The following CHTOP variants were observed in gnomAD, a reference collection of about 807,000 sequenced individuals.
CHTOP encodes chromatin target of PRMT1 protein.
In CHTOP, 18 loss-of-function variants were observed where a neutral mutation model predicts 33.6. That is an observed-to-expected ratio of 0.54 (90% CI 0.37 to 0.80). The LOEUF is 0.80. CHTOP is among the 30% of genes least tolerant of loss of function. The probability of loss-of-function intolerance (pLI) is 0.00; values close to 1 mark genes in which losing one functional copy is unlikely to be tolerated. For missense variants in CHTOP, 263 were observed against 336.8 expected (o/e 0.78, Z 1.71); for synonymous variants, 117 against 127.7 (o/e 0.92, Z 0.56).
intron 2 of CHTOP, chr1:153,637,263 G>C (rs1668440526): frequency 1.3e-5 from 2 of 152,166 alleles, no homozygotes; most frequent in African/African-American, 4.8e-5. Context: ...ACTTTGAAAA[G>C]TAACTACTTG....
At chr1:153,643,173 T>C in intron 4 of CHTOP, 54 bp from the exon 5 acceptor site, 1 of 1,608,996 alleles carries the variant, frequency 6.2e-7, no homozygotes. Flanking sequence ...GGTTAGAATC[T>C]ACTTTGTGTC....
At chr1:153,644,868 T>A (rs982213941) in intron 5 of CHTOP, among the ~76,000 whole-genome samples, 196 bp from the exon 6 acceptor site, 1 of 152,240 alleles carries the variant, frequency 6.6e-6, no homozygotes, top group African/African-American at 2.4e-5. Flanking sequence ...GATCATGTGA[T>A]AGAGGATTCA....
rs1668796198 is a variant in CHTOP, at chr1:153,645,628, TTTC to T, written c.*362_*364del. On this transcript the variant is annotated 3_prime_UTR_variant, in exon 6 of 6. Transcript: ENST00000368694. ...TGTCATATGCTCTGACATGCTAACATTTCTTTTGTTCATCCCTGTTGCCCCCAC... is the reference window on the plus strand; with the variant it reads ...TGTCATATGCTCTGACATGCTAACATTTTTGTTCATCCCTGTTGCCCCCAC... 3 of 231,258 alleles carry T rather than the reference TTTC, an allele frequency of 1.3e-5. No homozygotes were observed. The Admixed American group carries it at 1.6e-4, about 12-fold the overall frequency. The allele number at this position is 231,258 out of a possible 1,614,324, so 14.3% of individuals were successfully genotyped here. A position where few individuals can be genotyped will look rare whatever the true frequency, so the allele number is the denominator to read the frequency against.
chr1:153,634,862 T>C (rs1668284952), intron 1 of CHTOP, among the ~76,000 whole-genome samples: 1 of 106,774 alleles, frequency 9.4e-6, no homozygotes, highest in African/African-American at 3.8e-5. Flanking sequence ...ATATATTTTT[T>C]TTTGGGGGGG....
At chr1:153,635,327 A>AT (rs1668324774) in intron 1 of CHTOP, among the ~76,000 whole-genome samples, 1 of 149,020 alleles carries the variant, frequency 6.7e-6, no homozygotes, top group South Asian at 2.1e-4. Flanking sequence ...ATTAATTTAT[A>AT]TTTTTATAGA....
At chr1:153,644,033 A>C (rs1668716679) in intron 5 of CHTOP, 1 of 152,154 alleles carries the variant, frequency 6.6e-6, no homozygotes, top group Admixed American at 6.5e-5. Context: ...GTTAATACTA[A>C]ATCTCATGGG....
At chr1:153,641,752 A>G (rs574439331) in intron 3 of CHTOP, among the ~76,000 whole-genome samples, 79 of 152,340 alleles carry the variant, frequency 5.2e-4, no homozygotes, top group Middle Eastern at 3.4e-3. Context: ...CTTAAGTCAC[A>G]AGAACTCAAG....
intron 1 of CHTOP, among the ~76,000 whole-genome samples, chr1:153,636,088 A>ATTT (rs71093280): frequency 7.2e-6 from 1 of 138,696 alleles, no homozygotes. Context: ...TGCACCGCTA[A>ATTT]TTTTTTTTTT....
At chr1:153,642,475 C>G (rs766083732) in intron 4 of CHTOP, 46 bp downstream of exon 4, 48 of 1,496,208 alleles carry the variant, frequency 3.2e-5, no homozygotes, top group Non-Finnish European at 4.2e-5. Context: ...ACTCCCTTCC[C>G]TTTTCTCTTG....
intron 1 of CHTOP, among the ~76,000 whole-genome samples, chr1:153,636,042 C>A (rs1043521381): frequency 6.6e-6 from 1 of 151,816 alleles, no homozygotes; most frequent in Non-Finnish European, 1.5e-5. Flanking sequence ...CACCTCAGCT[C>A]CCCTGAGTAG....
intron 5 of CHTOP, chr1:153,644,469 ATAGC>A (rs1410205950): frequency 6.6e-6 from 1 of 152,342 alleles, no homozygotes; most frequent in Admixed American, 6.5e-5. Context: ...AAAGGTAGAA[ATAGC>A]TAGGACAACT....
intron 1 of CHTOP, among the ~76,000 whole-genome samples, chr1:153,635,857 G>A (rs933834558): frequency 4.0e-5 from 6 of 151,658 alleles, no homozygotes; most frequent in Non-Finnish European, 8.8e-5. Context: ...TACTTTGATT[G>A]CTAGATTGGC....
chr1:153,643,020 C>T, intron 4 of CHTOP: 1 of 603,770 alleles, frequency 1.7e-6, no homozygotes, highest in Admixed American at 2.9e-5. Context: ...AATTAACTCC[C>T]AACTTCCAAA....
At chr1:153,643,568 A>G (rs553605373) in intron 5 of CHTOP, 1 of 484,396 alleles carries the variant, frequency 2.1e-6, no homozygotes, top group Admixed American at 3.9e-5. Context: ...TCAAGTGCAT[A>G]TTATAGAGCC....
intron 3 of CHTOP, chr1:153,639,264 C>G (rs983507004): frequency 5.9e-6 from 1 of 170,404 alleles, no homozygotes; most frequent in African/African-American, 2.4e-5. Context: ...TAAAGTGGAG[C>G]AAGAATACTG....
chr1:153,637,008 G>A (rs535856196), intron 2 of CHTOP: 25 of 193,198 alleles, frequency 1.3e-4, no homozygotes, highest in South Asian at 1.2e-3. Context: ...GGCCAGCAGT[G>A]TTGTGTCTGG....
intron 4 of CHTOP, 22 bp downstream of exon 4, chr1:153,642,451 A>C: frequency 6.4e-7 from 1 of 1,571,532 alleles, no homozygotes; most frequent in South Asian, 1.2e-5. Context: ...GTACCCTGAT[A>C]ATTGTCGGGC....
rs182244942 is a variant in CHTOP, at chr1:153,635,111, A to C, written c.-18+768A>C. Among the ~76,000 whole-genome samples, 302 of 152,176 alleles carry C rather than the reference A, an allele frequency of 2.0e-3. 1 individual carries two copies. The highest frequency in any genetic ancestry group is 7.1e-3 in the African/African-American group (296 of 41,550). ...GTGATCCGCCCGCCTCGGCCTCCCAAAGTGCTGGGAAAACAGGCGTGAGCC... is the reference window on the plus strand; with the variant it reads ...GTGATCCGCCCGCCTCGGCCTCCCACAGTGCTGGGAAAACAGGCGTGAGCC... On this transcript the variant is annotated intron_variant, in intron 1 of 5. Coordinates refer to ENST00000368694, the MANE Select transcript of CHTOP (RefSeq NM_015607.4).
At chr1:153,639,041 C>T (rs990804458) in intron 3 of CHTOP, among the ~76,000 whole-genome samples, 3 of 152,142 alleles carry the variant, frequency 2.0e-5, no homozygotes, top group South Asian at 4.1e-4. Context: ...CCACCACACC[C>T]AGCTAATTTT....
Sources: gnomAD v4.1 joint callset for allele counts (sites outside exome capture counted in the v4.1 genomes callset) on GRCh38, gnomAD v4.1.1 for gene constraint, MANE v1.5 for transcripts, NCBI Gene and HGNC (gene_info 2026-07-23, HGNC 2026-07-21) for gene names.